VPS8: variants seen among roughly 807,000 people sequenced by gnomAD.
VPS8 encodes the protein VPS8 subunit of CORVET complex.
In VPS8, 129 loss-of-function variants were observed where a neutral mutation model predicts 216.4. That is an observed-to-expected ratio of 0.60 (90% CI 0.52 to 0.69). The LOEUF (loss-of-function observed/expected upper bound fraction) is 0.69. Among genes scored for constraint, VPS8 ranks in the 30% least tolerant of loss-of-function variants. The pLI, the probability that VPS8 is intolerant of heterozygous loss-of-function variation, is 0.00. For synonymous variants in VPS8, 571 were observed against 565.4 expected, an observed-to-expected ratio of 1.01 and a Z score of -0.14; for missense variants, 1,531 against 1,683.5, an observed-to-expected ratio of 0.91 and a Z score of 1.59.
At chr3:184,848,882 T>G (rs1723700839) in intron 8 of VPS8, 189 bp from the exon 9 acceptor site, 2 of 533,318 alleles carry the variant, frequency 3.8e-6, no homozygotes, top group Non-Finnish European at 6.2e-6. Context: ...TTTTTCTGTA[T>G]TTTTAAGTGT....
At chr3:184,991,010 T>A (rs1200380902) in intron 42 of VPS8, among the ~76,000 whole-genome samples, 1 of 152,164 alleles carries the variant, frequency 6.6e-6, no homozygotes, top group African/African-American at 2.4e-5. Context: ...ATCTTTGCTG[T>A]ATGGCTGAAG....
At chr3:184,990,714 A>G (rs1751780394) in intron 42 of VPS8, among the ~76,000 whole-genome samples, 1 of 152,194 alleles carries the variant, frequency 6.6e-6, no homozygotes, top group South Asian at 2.1e-4. Context: ...TGTATCTAAC[A>G]CTAATCAAGG....
intron 42 of VPS8, among the ~76,000 whole-genome samples, chr3:184,986,970 A>C (rs1290669643): frequency 6.6e-6 from 1 of 152,114 alleles, no homozygotes; most frequent in Non-Finnish European, 1.5e-5. Context: ...ATTAGCAATC[A>C]CCCTTTGTGT....
intron 28 of VPS8, among the ~76,000 whole-genome samples, chr3:184,917,894 T>G (rs1737895680): frequency 6.6e-6 from 1 of 152,144 alleles, no homozygotes; most frequent in Admixed American, 6.6e-5. Context: ...AGTTCTAGAG[T>G]CTGGGAAGTC....
intron 7 of VPS8, chr3:184,839,981 T>C: frequency 2.7e-6 from 3 of 1,103,412 alleles, no homozygotes; most frequent in Non-Finnish European, 3.5e-6. Flanking sequence ...AGCTATCATA[T>C]CTATTGATCT....
At chr3:184,916,629 T>C (rs953858463) in intron 28 of VPS8, among the ~76,000 whole-genome samples, 2 of 152,160 alleles carry the variant, frequency 1.3e-5, no homozygotes, top group African/African-American at 2.4e-5. Context: ...GTAACTTTAA[T>C]TGCATAGAAA....
chr3:184,998,296 G>T (rs1752894448), intron 44 of VPS8, among the ~76,000 whole-genome samples: 1 of 152,098 alleles, frequency 6.6e-6, no homozygotes, highest in African/African-American at 2.4e-5. Context: ...GGGGAAAGCA[G>T]ATGGACCACT....
chr3:184,859,114 T>C (rs1725813581), intron 14 of VPS8, among the ~76,000 whole-genome samples: 1 of 152,218 alleles, frequency 6.6e-6, no homozygotes, highest in Admixed American at 6.5e-5. Context: ...TTGGCTGTTG[T>C]TTCTGCTGTT....
chr3:184,955,419 G>A, intron 36 of VPS8, among the ~76,000 whole-genome samples: 1 of 152,142 alleles, frequency 6.6e-6, no homozygotes, highest in African/African-American at 2.4e-5. Flanking sequence ...ACCTAAAAGG[G>A]AAGGGCCCCC....
intron 46 of VPS8, among the ~76,000 whole-genome samples, chr3:185,025,624 G>C (rs1757234888): frequency 3.3e-5 from 5 of 152,210 alleles, no homozygotes. Context: ...GGGCAGGCGA[G>C]ACTGAGGCAA....
chr3:184,933,393 T>C (rs914569802), intron 34 of VPS8, among the ~76,000 whole-genome samples: 1 of 152,214 alleles, frequency 6.6e-6, no homozygotes, highest in Admixed American at 6.5e-5. Context: ...TTTGCCCACT[T>C]TTCTGTTTGA....
intron 16 of VPS8, among the ~76,000 whole-genome samples, chr3:184,865,510 T>C (rs1289089869): frequency 1.3e-5 from 2 of 152,124 alleles, no homozygotes; most frequent in Admixed American, 6.5e-5. Context: ...CATCATTAGG[T>C]ATTAGGGAAA....
At chr3:184,898,863 A>T (rs1192965309) in intron 24 of VPS8, among the ~76,000 whole-genome samples, 2 of 152,324 alleles carry the variant, frequency 1.3e-5, no homozygotes, top group Admixed American at 1.3e-4. Context: ...TATCTAAATA[A>T]GTAGGTATTT....
intron 36 of VPS8, among the ~76,000 whole-genome samples, chr3:184,944,293 G>C (rs1357603066): frequency 1.3e-5 from 2 of 152,180 alleles, no homozygotes; most frequent in Non-Finnish European, 2.9e-5. Flanking sequence ...AGTTTTAGGG[G>C]GAGAGGGGAT....
rs59856480 is a variant in VPS8 at position 184,890,042 on chromosome 3, A to G, written c.1781+3886A>G. Reference sequence around the variant, plus strand: ...TAAAAATTTTTTTCTTAGAGTTGCCATAGATAATAAGGTTAAAAATGGTCA... The same window carrying G: ...TAAAAATTTTTTTCTTAGAGTTGCCGTAGATAATAAGGTTAAAAATGGTCA... On this transcript the variant is annotated intron_variant, in intron 22 of 47. Transcript: ENST00000625842. Among the ~76,000 whole-genome samples the G allele has an allele frequency of 2.5e-3, 387 of 152,336 alleles. 1 individual carries two copies. The highest frequency in any genetic ancestry group is 8.8e-3 in the African/African-American group (364 of 41,594).
At chr3:184,894,545 A>C (rs545159295) in intron 22 of VPS8, among the ~76,000 whole-genome samples, 158 bp from the exon 23 acceptor site, 2 of 117,696 alleles carry the variant, frequency 1.7e-5, no homozygotes, top group South Asian at 2.6e-4. Context: ...CACACACACA[A>C]AGTTTTTGCA....
At position 185,012,988 on chromosome 3, in the gene VPS8, C is replaced by T. The variant is rs532067308; in HGVS notation, c.4003-11348C>T. ...ATTTCCTACGGGAAATAACTAAAAG[C>T]ATTTCCTACAGGAAATAAAGGGATG... On this transcript the variant is annotated intron_variant, in intron 45 of 47. Coordinates refer to ENST00000625842, the MANE Select transcript of VPS8 (RefSeq NM_001009921.3). 8.8e-3 allele frequency among the ~76,000 whole-genome samples: 1,332 copies of T among 151,702 alleles called. 20 individuals are homozygous for T. Among genetic ancestry groups the T allele is most frequent in the African/African-American group, 0.03 (1,250 of 41,018 alleles).
At chr3:184,932,655 T>TA (rs1297687744) in intron 34 of VPS8, among the ~76,000 whole-genome samples, 1 of 152,222 alleles carries the variant, frequency 6.6e-6, no homozygotes, top group African/African-American at 2.4e-5. Flanking sequence ...TGTATACTGT[T>TA]ACTGCATGTG....
chr3:185,048,883 T>C (rs751828864), intron 47 of VPS8, among the ~76,000 whole-genome samples: 61 of 152,160 alleles, frequency 4.0e-4, no homozygotes, highest in Non-Finnish European at 4.7e-4. Flanking sequence ...TATGGATAGG[T>C]GCCCAATCTG....
Sources: gnomAD v4.1 joint callset for allele counts (sites outside exome capture counted in the v4.1 genomes callset) on GRCh38, gnomAD v4.1.1 for gene constraint, MANE v1.5 for transcripts, NCBI Gene and HGNC (gene_info 2026-07-23, HGNC 2026-07-21) for gene names.